The following DYNC2LI1 variants were observed in gnomAD, a reference collection of about 807,000 sequenced individuals.
DYNC2LI1 encodes cytoplasmic dynein 2 light intermediate chain 1.
A neutral mutation model predicts 51.9 loss-of-function variants in DYNC2LI1; 45 were observed. The observed-to-expected ratio is 0.87, with a 90% CI of 0.68 to 1.11. The LOEUF (loss-of-function observed/expected upper bound fraction) is 1.11. Ranked by LOEUF, DYNC2LI1 falls within the 50% of genes most tolerant of loss-of-function variation. DYNC2LI1 has a pLI of 0.00. For missense variants in DYNC2LI1, 490 were observed against 417.4 expected, an observed-to-expected ratio of 1.17 and a Z score of -1.51; for synonymous variants, 130 against 137.8, an observed-to-expected ratio of 0.94 and a Z score of 0.40.
At chr2:43,826,408 G>A in the DYNC2LI1 span, 1 of 1,613,978 alleles carries the variant, frequency 6.2e-7, no homozygotes, top group Non-Finnish European at 8.5e-7. Flanking sequence ...CGGGGCTGGT[G>A]AATGGTGAGA....
chr2:43,790,527 G>T (rs895084082), intron 5 of DYNC2LI1, among the ~76,000 whole-genome samples: 2 of 150,332 alleles, frequency 1.3e-5, no homozygotes, highest in African/African-American at 4.9e-5. Flanking sequence ...GCTGGATACG[G>T]TTGGTTTTAT....
At chr2:43,808,550 A>C (rs1666356198) in intron 12 of DYNC2LI1, among the ~76,000 whole-genome samples, 1 of 152,238 alleles carries the variant, frequency 6.6e-6, no homozygotes, top group African/African-American at 2.4e-5. Context: ...GCCAAGAGGC[A>C]TCCCCTTAGA....
chr2:43,813,803 A>G (rs1183643315), downstream of DYNC2LI1, among the ~76,000 whole-genome samples: 2 of 135,736 alleles, frequency 1.5e-5, no homozygotes, highest in Non-Finnish European at 3.0e-5. Context: ...CTGCAACCTC[A>G]GCCTCCCAGA....
the DYNC2LI1 span, chr2:43,822,776 G>C: frequency 1.2e-6 from 2 of 1,614,096 alleles, no homozygotes; most frequent in African/African-American, 2.7e-5. Flanking sequence ...CCGGCCCTGG[G>C]TGAACTGAAC....
chr2:43,789,146 A>G (rs1363508057), intron 4 of DYNC2LI1, among the ~76,000 whole-genome samples: 1 of 152,246 alleles, frequency 6.6e-6, no homozygotes, highest in Admixed American at 6.5e-5. Flanking sequence ...ATCCGCAGCC[A>G]GGATTGCCAT....
At chr2:43,817,933 A>G in the DYNC2LI1 span, among the ~76,000 whole-genome samples, 59 of 152,180 alleles carry the variant, frequency 3.9e-4, 1 homozygote, top group Middle Eastern at 6.8e-3. Flanking sequence ...AAACAAAAAA[A>G]CACATGTAAG....
At position 43,809,927 on chromosome 2, in the gene DYNC2LI1, T is replaced by G; in HGVS notation, c.*160T>G. 2 of 1,360,070 alleles carry G rather than the reference T, an allele frequency of 1.5e-6. No homozygotes were observed. Among genetic ancestry groups the G allele is most frequent in the Non-Finnish European group, 1.9e-6 (2 of 1,054,676 alleles). 84.3% of individuals were successfully genotyped at this position (1,360,070 alleles called of 1,614,324 possible). On this transcript the variant is annotated 3_prime_UTR_variant, in exon 13 of 13. Transcript: ENST00000260605. ...GACTAGTGCATCTCCCTGTATATCTTGAAGCTTTTTAAAAGGAAAAATTAT... is the reference window on the plus strand; with the variant it reads ...GACTAGTGCATCTCCCTGTATATCTGGAAGCTTTTTAAAAGGAAAAATTAT...
intron 4 of DYNC2LI1, among the ~76,000 whole-genome samples, chr2:43,788,476 T>A (rs1673626346): frequency 6.6e-6 from 1 of 152,158 alleles, no homozygotes; most frequent in South Asian, 2.1e-4. Context: ...CAGATTTAAT[T>A]CCCTAGGAGT....
At chr2:43,807,557 AG>A (rs1467294570) in intron 12 of DYNC2LI1, among the ~76,000 whole-genome samples, 1 of 151,714 alleles carries the variant, frequency 6.6e-6, no homozygotes, top group Non-Finnish European at 1.5e-5. Context: ...CTCCCATCTC[AG>A]CCTCTCAAGT....
the DYNC2LI1 span, among the ~76,000 whole-genome samples, chr2:43,815,016 A>G: frequency 6.6e-6 from 1 of 152,204 alleles, no homozygotes; most frequent in Non-Finnish European, 1.5e-5. Flanking sequence ...ATTACTGTCT[A>G]CTTATTTTGG....
At chr2:43,785,342 T>C (rs1407295056) in intron 3 of DYNC2LI1, among the ~76,000 whole-genome samples, 1 of 152,050 alleles carries the variant, frequency 6.6e-6, no homozygotes, top group Non-Finnish European at 1.5e-5. Context: ...TGTAGCAACA[T>C]AATTTGGCCT....
chr2:43,827,535 C>T, the DYNC2LI1 span, among the ~76,000 whole-genome samples: 1 of 152,116 alleles, frequency 6.6e-6, no homozygotes, highest in African/African-American at 2.4e-5. Flanking sequence ...GGACTGACTA[C>T]TCTGTTTTGA....
the DYNC2LI1 span, among the ~76,000 whole-genome samples, chr2:43,827,129 AC>A: frequency 6.6e-6 from 1 of 152,094 alleles, no homozygotes; most frequent in Non-Finnish European, 1.5e-5. Flanking sequence ...GTTCGAGACC[AC>A]CCTGGCCAAC....
chr2:43,804,859 T>A, intron 11 of DYNC2LI1, 120 bp downstream of exon 11: 2 of 615,966 alleles, frequency 3.2e-6, no homozygotes, highest in Non-Finnish European at 5.3e-6. Flanking sequence ...AAAAATCAAT[T>A]AAACATTTGC....
downstream of DYNC2LI1, chr2:43,812,495 GTTTT>G (rs1436719009): frequency 6.5e-6 from 1 of 152,806 alleles, no homozygotes; most frequent in Non-Finnish European, 1.5e-5. Context: ...CATTCCTACG[GTTTT>G]TTATTTTAAT....
intron 5 of DYNC2LI1, among the ~76,000 whole-genome samples, chr2:43,790,943 G>A (rs778809830): frequency 2.0e-5 from 3 of 152,116 alleles, no homozygotes; most frequent in Non-Finnish European, 2.9e-5. Flanking sequence ...GGCCAGGTGC[G>A]GTGGCTCAGG....
intron 12 of DYNC2LI1, 33 bp downstream of exon 12, chr2:43,805,279 G>A: frequency 3.4e-6 from 5 of 1,458,140 alleles, no homozygotes; most frequent in Non-Finnish European, 4.8e-6. Context: ...AATTTCATCT[G>A]AAATTTTAAC....
chr2:43,814,406 A>C, downstream of DYNC2LI1: 1 of 988,248 alleles, frequency 1.0e-6, no homozygotes, highest in Non-Finnish European at 1.6e-6. Context: ...TATTTCAAAA[A>C]TACATTTCCT....
At chr2:43,822,478 G>GCCCCCCCCCCCCCCCCC in the DYNC2LI1 span, 2 of 432,258 alleles carry the variant, frequency 4.6e-6, no homozygotes, top group African/African-American at 4.3e-5. Flanking sequence ...CCTCCCCCAG[G>GCCCCCCCCCCCCCCCCC]CCCCCCCCCA....
Sources: gnomAD v4.1 joint callset for allele counts (sites outside exome capture counted in the v4.1 genomes callset) on GRCh38, gnomAD v4.1.1 for gene constraint, MANE v1.5 for transcripts, NCBI Gene and HGNC (gene_info 2026-07-23, HGNC 2026-07-21) for gene names.